NUMB: variants seen among roughly 807,000 people sequenced by gnomAD.
NUMB encodes NUMB endocytic adaptor protein, also known as protein numb homolog.
Under a neutral mutation model 59.7 loss-of-function variants are expected in NUMB, and 29 were observed. That is an observed-to-expected ratio of 0.49 (90% CI 0.36 to 0.66). NUMB has a LOEUF of 0.66. Among genes scored for constraint, NUMB ranks in the 30% least tolerant of loss-of-function variants. The probability of loss-of-function intolerance (pLI) is 0.00; values close to 1 mark genes in which losing one functional copy is unlikely to be tolerated. For missense variants in NUMB, 723 were observed against 822.0 expected (o/e 0.88, Z 1.47); for synonymous variants, 288 against 288.2 (o/e 1.00, Z 0.01).
At chr14:73,315,631 T>G (rs1891045857) in intron 6 of NUMB, among the ~76,000 whole-genome samples, 1 of 152,174 alleles carries the variant, frequency 6.6e-6, no homozygotes. Context: ...AGTTTATCCA[T>G]TTTCACTTAC....
intron 2 of NUMB, among the ~76,000 whole-genome samples, chr14:73,387,981 AGCTGGTAT>A (rs1895641583): frequency 7.0e-6 from 1 of 142,446 alleles, no homozygotes; most frequent in African/African-American, 2.7e-5. Context: ...AAAAAAAATT[AGCTGGTAT>A]GCACCTATAG....
intron 8 of NUMB, among the ~76,000 whole-genome samples, chr14:73,288,792 G>A (rs1260848109): frequency 6.6e-6 from 1 of 151,750 alleles, no homozygotes; most frequent in African/African-American, 2.4e-5. Context: ...CCAGGAGGTG[G>A]AGGTTGCAGT....
intron 1 of NUMB, among the ~76,000 whole-genome samples, chr14:73,415,107 T>C (rs1004067885): frequency 2.0e-5 from 3 of 152,232 alleles, no homozygotes; most frequent in Non-Finnish European, 2.9e-5. Context: ...CAACTTCAAA[T>C]GTAATTTGCA....
rs138026631 is a variant in NUMB, at chr14:73,357,624, G to A, written c.-15-1858C>T. Among the ~76,000 whole-genome samples the A allele has an allele frequency of 6.2e-3, 916 of 148,512 alleles. 3 individuals are homozygous for A. Among genetic ancestry groups the A allele is most frequent in the African/African-American group, 0.02 (810 of 40,302 alleles). On this transcript the variant is annotated intron_variant, in intron 3 of 12. Transcript: ENST00000555238. ...CAAAAAATACAAAAATTAGTTGGGC[G>A]TGGTGGCACGCACCTGTAATCCCAG...
At chr14:73,410,689 G>A (rs1285640583) in intron 1 of NUMB, among the ~76,000 whole-genome samples, 2 of 152,132 alleles carry the variant, frequency 1.3e-5, no homozygotes, top group African/African-American at 2.4e-5. Context: ...TGTTGTTTAA[G>A]TTCTCCATAG....
intron 2 of NUMB, among the ~76,000 whole-genome samples, chr14:73,391,411 AAAAAAG>A (rs1460221519): frequency 6.6e-5 from 10 of 152,128 alleles, no homozygotes; most frequent in Admixed American, 3.3e-4. Flanking sequence ...TATCTAAAAG[AAAAAAG>A]AAAAAGAAAA....
intron 2 of NUMB, among the ~76,000 whole-genome samples, chr14:73,378,018 C>CAT (rs1375234369): frequency 1.4e-5 from 2 of 141,246 alleles, no homozygotes; most frequent in African/African-American, 5.8e-5. Flanking sequence ...CACACACACA[C>CAT]ATACACACAC....
intron 6 of NUMB, among the ~76,000 whole-genome samples, chr14:73,304,579 A>T (rs1245264479): frequency 6.6e-6 from 1 of 152,134 alleles, no homozygotes; most frequent in Non-Finnish European, 1.5e-5. Context: ...AAGTATTAGG[A>T]TTACAGATGT....
chr14:73,363,460 G>A (rs964948094), intron 3 of NUMB, among the ~76,000 whole-genome samples: 1 of 152,068 alleles, frequency 6.6e-6, no homozygotes, highest in Non-Finnish European at 1.5e-5. Flanking sequence ...AAAATACCAT[G>A]CCCAGACAGT....
At chr14:73,310,244 G>A (rs1038357458) in intron 6 of NUMB, among the ~76,000 whole-genome samples, 1 of 152,204 alleles carries the variant, frequency 6.6e-6, no homozygotes, top group African/African-American at 2.4e-5. Context: ...AAAGGGCATA[G>A]CTGCTACTCA....
chr14:73,421,984 C>CA (rs1269500991), intron 1 of NUMB, among the ~76,000 whole-genome samples: 1 of 151,900 alleles, frequency 6.6e-6, no homozygotes, highest in Admixed American at 6.6e-5. Flanking sequence ...ACTAAAAATA[C>CA]AAAAAATTAG....
intron 1 of NUMB, among the ~76,000 whole-genome samples, chr14:73,419,935 G>A (rs780825349): frequency 6.6e-5 from 10 of 152,130 alleles, no homozygotes; most frequent in Non-Finnish European, 1.3e-4. Context: ...GTGCCATCTT[G>A]GCTCATTGCA....
chr14:73,308,409 A>T (rs1280582451), intron 6 of NUMB, among the ~76,000 whole-genome samples: 1 of 152,192 alleles, frequency 6.6e-6, no homozygotes, highest in Non-Finnish European at 1.5e-5. Context: ...GTGTGAGGTG[A>T]CTAGCAGATA....
chr14:73,359,440 C>T (rs540346907), intron 3 of NUMB, among the ~76,000 whole-genome samples: 10 of 152,314 alleles, frequency 6.6e-5, no homozygotes, highest in African/African-American at 2.4e-4. Flanking sequence ...TATATACAGA[C>T]TGACTTCATT....
chr14:73,338,020 C>G (rs1018758962), intron 4 of NUMB, among the ~76,000 whole-genome samples: 1 of 152,132 alleles, frequency 6.6e-6, no homozygotes. Flanking sequence ...TGCAGTGGCT[C>G]ACACCTGTAA....
At chr14:73,417,394 T>C (rs1400352867) in intron 1 of NUMB, among the ~76,000 whole-genome samples, 1 of 150,430 alleles carries the variant, frequency 6.6e-6, no homozygotes, top group Non-Finnish European at 1.5e-5. Context: ...CCTGCCTGTC[T>C]GCATGTTCCC....
chr14:73,416,656 T>C (rs917371926), intron 1 of NUMB, among the ~76,000 whole-genome samples: 4 of 152,026 alleles, frequency 2.6e-5, no homozygotes, highest in Admixed American at 1.3e-4. Flanking sequence ...GCTTGGCCAA[T>C]GTGGCAAAAG....
chr14:73,302,405 C>CTTTTTTT (rs71112726), intron 6 of NUMB, among the ~76,000 whole-genome samples: 1 of 115,054 alleles, frequency 8.7e-6, no homozygotes, highest in African/African-American at 3.5e-5. Flanking sequence ...TTCCACATTT[C>CTTTTTTT]TTTTTTTTTT....
intron 1 of NUMB, among the ~76,000 whole-genome samples, chr14:73,440,549 C>CA (rs1238325379): frequency 1.1e-4 from 16 of 150,952 alleles, no homozygotes; most frequent in South Asian, 2.1e-4. Context: ...GCACAAGCAA[C>CA]AAAAAAAACA....
Sources: gnomAD v4.1 joint callset for allele counts (sites outside exome capture counted in the v4.1 genomes callset) on GRCh38, gnomAD v4.1.1 for gene constraint, MANE v1.5 for transcripts, NCBI Gene and HGNC (gene_info 2026-07-23, HGNC 2026-07-21) for gene names.